NOS3: variants seen among roughly 807,000 people sequenced by gnomAD.
NOS3 encodes the protein NOS type III.
NOS3 carries 98 observed loss-of-function variants against 144.9 expected under a neutral mutation model. That is an observed-to-expected ratio of 0.68 (90% confidence interval 0.57 to 0.80). The LOEUF is 0.80. NOS3 is among the 30% of genes least tolerant of loss of function. The pLI is 0.00. For synonymous variants in NOS3, 714 were observed against 702.4 expected (o/e 1.02, Z -0.26); for missense variants, 1,465 against 1,656.4 (o/e 0.88, Z 2.01).
chr7:150,992,266 T>C (rs987963763), intron 1 of NOS3, among the ~76,000 whole-genome samples: 2 of 152,164 alleles, frequency 1.3e-5, no homozygotes, highest in Non-Finnish European at 1.5e-5. Context: ...TCCTTGGTCA[T>C]GCACATTTCA....
Position 150,996,912 on chromosome 7 carries a change from G to T in NOS3, c.569G>T (p.Trp190Leu). 1.3e-6 allele frequency: 2 copies of T among 1,573,244 alleles called. No individual in the cohort carries two copies. The highest frequency in any genetic ancestry group is 2.3e-5 in the East Asian group (1 of 42,936). The change falls in exon 5 of 27, where the codon TGG (tryptophan) becomes TTG (leucine). Residue 190 changes from tryptophan to leucine, a missense_variant. By Grantham distance (61) the Trp-to-Leu change is moderately conservative. Around this residue, in one of 5 missense-constraint regions of NOS3, gnomAD observed 374 missense variants for 377.0 expected, o/e 0.99. Coordinates refer to ENST00000297494, the MANE Select transcript of NOS3 (RefSeq NM_000603.5). ...NAPRCVGRIQWGKLQVFDARD... is the reference protein window; with the variant it reads ...NAPRCVGRIQLGKLQVFDARD... ...CCCCGCTGCGTGGGCCGGATCCAGT[G>T]GGGGAAGCTGCAGGTGCGGCTGGCC...
At chr7:151,009,816 G>A (rs1293135308) in intron 20 of NOS3, among the ~76,000 whole-genome samples, 1 of 152,130 alleles carries the variant, frequency 6.6e-6, no homozygotes, top group Non-Finnish European at 1.5e-5. Context: ...CCTCCCTCTG[G>A]GCTCCTCTCC....
chr7:151,011,732 G>A lies in NOS3; in HGVS notation c.2985-619G>A, dbSNP rs1329885930. The A allele has an allele frequency of 1.3e-5, 4 of 315,116 alleles. No homozygotes were observed. In the Admixed American group the frequency reaches 1.3e-4, roughly 10 times the overall value. 19.5% of individuals were successfully genotyped at this position (315,116 alleles called of 1,614,324 possible). On this transcript the variant is annotated intron_variant, in intron 23 of 26. Transcript: ENST00000297494. ...GTAGAGACGGTGTTTCACTATGTTG[G>A]CCAGGCTGGTCTCGAGCTCCTGACC...
intron 14 of NOS3, among the ~76,000 whole-genome samples, chr7:151,005,023 A>G (rs954051438): frequency 2.0e-5 from 3 of 151,996 alleles, no homozygotes; most frequent in Non-Finnish European, 4.4e-5. Flanking sequence ...ATGGCCAGCT[A>G]ATTTTTGTGT....
rs1795376250 is a variant in NOS3 at position 151,013,936 on chromosome 7, G to A, written c.3450+18G>A. 2.5e-6 allele frequency: 4 copies of A among 1,598,304 alleles called. No homozygotes were observed. The highest frequency in any genetic ancestry group is 2.7e-5 in the African/African-American group (2 of 74,554). Reference sequence around the variant, plus strand: ...TGCTGCGGGTGCGGAGGGGCGGGCCGGGCCTGAGCGTGCGGGGTTCCTGCT... The same window carrying A: ...TGCTGCGGGTGCGGAGGGGCGGGCCAGGCCTGAGCGTGCGGGGTTCCTGCT... On this transcript the variant is annotated intron_variant, in intron 26 of 26. Transcript: ENST00000297494.
intron 9 of NOS3, among the ~76,000 whole-genome samples, chr7:150,999,785 AGTGT>A (rs1795039011): frequency 3.4e-5 from 2 of 58,664 alleles, no homozygotes; most frequent in African/African-American, 7.0e-5. Context: ...TGTAGGGGTG[AGTGT>A]GTGTGGGTTT....
chr7:150,996,336 C>T (rs1362741237), intron 3 of NOS3, 68 bp from the exon 4 acceptor site: 4 of 461,992 alleles, frequency 8.7e-6, no homozygotes, highest in Non-Finnish European at 3.5e-6. Flanking sequence ...ACCCCTCCTC[C>T]CTGCCCCCAA....
intron 25 of NOS3, 58 bp from the exon 26 acceptor site, chr7:151,013,666 G>A (rs922296337): frequency 2.2e-6 from 3 of 1,340,312 alleles, no homozygotes; most frequent in Admixed American, 2.3e-5. Context: ...CAGCAGCCCC[G>A]GGCTGCGCCC....
chr7:150,998,648 C>CG lies in NOS3; in HGVS notation c.790dup (p.Asp264GlyfsTer35). On this transcript the variant is annotated frameshift_variant, in exon 7 of 27. Coordinates refer to ENST00000297494, the MANE Select transcript of NOS3 (RefSeq NM_000603.5). LOFTEE classifies it high-confidence loss of function. This position sits in a 1 kb window ranked among gnomAD's most constrained non-coding sequence, Gnocchi z 5.0. Reference sequence around the variant, plus strand: ...CTACCGGCAGCAGGATGGCTCTGTGCGGGGGGACCCAGCCAACGTGGAGAT... The same window carrying CG: ...CTACCGGCAGCAGGATGGCTCTGTGCGGGGGGGACCCAGCCAACGTGGAGAT... 19 of 1,607,778 alleles carry CG rather than the reference C, an allele frequency of 1.2e-5. No individual in the cohort carries two copies. The highest frequency in any genetic ancestry group is 1.5e-5 in the Non-Finnish European group (18 of 1,178,528).
chr7:151,007,364 G>C, intron 17 of NOS3, 88 bp downstream of exon 17: 1 of 1,396,928 alleles, frequency 7.2e-7, no homozygotes, highest in South Asian at 1.4e-5. Flanking sequence ...TTGGTTCTTT[G>C]GTCCCTTCCT....
In NOS3 at chr7:150,996,600, CAGAA is replaced by C. The variant is rs551213514; in HGVS notation, c.419+50_419+53del. On this transcript the variant is annotated intron_variant, in intron 4 of 26. Coordinates refer to ENST00000297494, the MANE Select transcript of NOS3 (RefSeq NM_000603.5). ...AGCCTCCCTTGTCCCACTGAGGCCC[CAGAA>C]ACCCCGTGACGACCTTCCCATGACC... The C allele has an allele frequency of 3.6e-4, 555 of 1,556,640 alleles. 3 individuals are homozygous for C. The East Asian group carries it at 0.01, about 29-fold the overall frequency.
chr7:151,009,684 T>C, intron 20 of NOS3, 99 bp downstream of exon 20: 8 of 1,035,184 alleles, frequency 7.7e-6, no homozygotes, highest in Non-Finnish European at 1.1e-5. Flanking sequence ...ACCCAGGGGG[T>C]GGCCACCTCC....
intron 17 of NOS3, 153 bp from the exon 18 acceptor site, chr7:151,008,777 G>T: frequency 1.2e-6 from 1 of 832,264 alleles, no homozygotes; most frequent in Non-Finnish European, 1.8e-6. Flanking sequence ...TCCATGAAAT[G>T]GGCTGGCGGA....
rs1802294401 is a variant in NOS3, at chr7:150,993,320, C to G, written c.-51-433C>G. On this transcript the variant is annotated intron_variant, in intron 1 of 26. Coordinates refer to ENST00000297494, the MANE Select transcript of NOS3 (RefSeq NM_000603.5). This position sits in a 1 kb window ranked among gnomAD's most constrained non-coding sequence, Gnocchi z 4.0. ...AGAGAACCTGCATGACCCTAGAGGT[C>G]CCTGTGGTCACTGAGAGTGTGGGCT... 6.6e-6 allele frequency among the ~76,000 whole-genome samples: 1 copy of G among 152,166 alleles called. No homozygotes were observed. Among genetic ancestry groups the G allele is most frequent in the Non-Finnish European group, 1.5e-5 (1 of 68,020 alleles).
At chr7:151,013,198 GAAGAGCCTT>G (rs755162861) in intron 24 of NOS3, 24 bp from the exon 25 acceptor site, 1 of 1,597,878 alleles carries the variant, frequency 6.3e-7, no homozygotes, top group Admixed American at 1.7e-5. Context: ...GTGCCCCGGA[GAAGAGCCTT>G]CCCAAGCGCG....
intron 17 of NOS3, 150 bp from the exon 18 acceptor site, chr7:151,008,780 C>A: frequency 1.2e-6 from 1 of 857,644 alleles, no homozygotes; most frequent in Non-Finnish European, 1.7e-6. Context: ...ATGAAATGGG[C>A]TGGCGGAAAA....
At chr7:150,996,953 C>A in intron 5 of NOS3, 28 bp downstream of exon 5, 1 of 1,541,964 alleles carries the variant, frequency 6.5e-7, no homozygotes, top group East Asian at 2.4e-5. Flanking sequence ...CTGAGAGACC[C>A]GGGCGCTACC....
intron 5 of NOS3, among the ~76,000 whole-genome samples, chr7:150,997,397 A>C (rs1802455714): frequency 6.6e-6 from 1 of 152,060 alleles, no homozygotes; most frequent in African/African-American, 2.4e-5. Flanking sequence ...CCAAGAGAGA[A>C]GGCTTCTCCC....
chr7:150,996,610 G>A (rs960955354), intron 4 of NOS3, 58 bp downstream of exon 4: 12 of 1,541,322 alleles, frequency 7.8e-6, no homozygotes, highest in Non-Finnish European at 8.8e-6. Context: ...CAGAAACCCC[G>A]TGACGACCTT....
Sources: allele counts gnomAD v4.1 joint callset (sites outside exome capture counted in the v4.1 genomes callset), GRCh38; gene constraint gnomAD v4.1.1; regional missense constraint gnomAD v4.1.1; non-coding constraint Gnocchi (gnomAD v3.1); transcripts MANE v1.5; gene names NCBI Gene and HGNC (gene_info 2026-07-23, HGNC 2026-07-21).